Variants in SLC39A11 observed in about 807,000 individuals in gnomAD.
SLC39A11 encodes solute carrier family 39 member 11.
A neutral mutation model predicts 36.1 loss-of-function variants in SLC39A11; 33 were observed. That is an observed-to-expected ratio of 0.91 (90% CI 0.69 to 1.22). The LOEUF (loss-of-function observed/expected upper bound fraction) is 1.22. SLC39A11 is among the 50% of genes most tolerant of loss of function. The pLI, the probability that SLC39A11 is intolerant of heterozygous loss-of-function variation, is 0.00. For synonymous variants in SLC39A11, 166 were observed against 170.3 expected, an observed-to-expected ratio of 0.97 and a Z score of 0.20; for missense variants, 432 against 430.3, an observed-to-expected ratio of 1.00 and a Z score of -0.03.
intron 6 of SLC39A11, among the ~76,000 whole-genome samples, chr17:72,779,869 C>T (rs2076252610): frequency 6.6e-6 from 1 of 152,182 alleles, no homozygotes; most frequent in Non-Finnish European, 1.5e-5. Flanking sequence ...TTCTTGGTCT[C>T]TTCTGGCAAC....
At chr17:72,829,424 G>A (rs1045921819) in intron 6 of SLC39A11, among the ~76,000 whole-genome samples, 1 of 152,012 alleles carries the variant, frequency 6.6e-6, no homozygotes, top group African/African-American at 2.4e-5. Context: ...GGGGGAGATG[G>A]GAGCCGGTGA....
chr17:72,800,214 G>A (rs962898962), intron 6 of SLC39A11, among the ~76,000 whole-genome samples: 5 of 151,816 alleles, frequency 3.3e-5, no homozygotes, highest in African/African-American at 1.2e-4. Flanking sequence ...ATACTTCAAA[G>A]TGGAAGCCAT....
At chr17:72,793,163 T>C (rs2076772644) in intron 6 of SLC39A11, among the ~76,000 whole-genome samples, 1 of 151,896 alleles carries the variant, frequency 6.6e-6, no homozygotes, top group African/African-American at 2.4e-5. Flanking sequence ...TGGGGGATGG[T>C]GTGGGAAAAG....
At chr17:72,776,311 CCA>C (rs1390850808) in intron 6 of SLC39A11, among the ~76,000 whole-genome samples, 2 of 152,162 alleles carry the variant, frequency 1.3e-5, no homozygotes, top group African/African-American at 2.4e-5. Context: ...CTGAACAAAA[CCA>C]GAAGACAGCA....
chr17:72,965,208 C>G (rs539813291), intron 4 of SLC39A11, among the ~76,000 whole-genome samples: 1 of 151,908 alleles, frequency 6.6e-6, no homozygotes, highest in African/African-American at 2.4e-5. Context: ...TGTAACAAAC[C>G]TGCACCTTGT....
At chr17:72,931,687 T>A (rs6501584) in intron 5 of SLC39A11, among the ~76,000 whole-genome samples, 1 of 152,008 alleles carries the variant, frequency 6.6e-6, no homozygotes, top group East Asian at 1.9e-4. Flanking sequence ...GTTACTCAAC[T>A]CAAACTTTCA....
At chr17:72,685,434 C>A (rs1194958416) in intron 7 of SLC39A11, among the ~76,000 whole-genome samples, 1 of 152,272 alleles carries the variant, frequency 6.6e-6, no homozygotes, top group African/African-American at 2.4e-5. Context: ...CGAGGCCCAG[C>A]GATGGGCAGG....
chr17:72,972,712 C>T (rs2087546147), intron 4 of SLC39A11, among the ~76,000 whole-genome samples: 1 of 152,124 alleles, frequency 6.6e-6, no homozygotes, highest in Non-Finnish European at 1.5e-5. Flanking sequence ...AGGATCTCTT[C>T]CCAGACTGTA....
intron 7 of SLC39A11, among the ~76,000 whole-genome samples, chr17:72,702,541 A>G (rs2072698333): frequency 1.3e-5 from 2 of 152,170 alleles, no homozygotes; most frequent in African/African-American, 4.8e-5. Flanking sequence ...CAAATGAGTC[A>G]TCAAAGTACA....
At chr17:72,856,993 C>T (rs1188763963) in intron 5 of SLC39A11, among the ~76,000 whole-genome samples, 1 of 152,144 alleles carries the variant, frequency 6.6e-6, no homozygotes, top group Non-Finnish European at 1.5e-5. Context: ...AAAAAACTTT[C>T]ACTTTAGGTT....
rs569140121 is a variant in SLC39A11 at position 72,781,749 on chromosome 17, G to A, written c.602-45030C>T. On this transcript the variant is annotated intron_variant, in intron 6 of 9. Coordinates refer to ENST00000255559, the MANE Select transcript of SLC39A11 (RefSeq NM_139177.4). ...TTTGTTTCTAATACAAGCTCGTGTT[G>A]GGGTGAGGAAGGGCAGAGGAATGGC... Among the ~76,000 whole-genome samples, 162 of 152,148 alleles carry A rather than the reference G, an allele frequency of 1.1e-3. 1 individual carries two copies. The highest frequency in any genetic ancestry group is 1.3e-3 in the Non-Finnish European group (86 of 67,984).
At chr17:72,790,538 T>TA (rs200836775) in intron 6 of SLC39A11, among the ~76,000 whole-genome samples, 2 of 131,110 alleles carry the variant, frequency 1.5e-5, no homozygotes, top group East Asian at 4.0e-4. Flanking sequence ...TCTCTCTCTC[T>TA]TTTTTTTTTT....
intron 6 of SLC39A11, among the ~76,000 whole-genome samples, chr17:72,775,602 A>G (rs2076106368): frequency 6.6e-6 from 1 of 152,178 alleles, no homozygotes; most frequent in Non-Finnish European, 1.5e-5. Flanking sequence ...TAGCAATCAG[A>G]TTATTCAGGA....
chr17:72,784,806 C>T (rs1010285708), intron 6 of SLC39A11, among the ~76,000 whole-genome samples: 1 of 151,774 alleles, frequency 6.6e-6, no homozygotes, highest in Non-Finnish European at 1.5e-5. Flanking sequence ...CAGCACCATG[C>T]TTCCTGTAAA....
At chr17:72,831,340 A>G (rs895688864) in intron 6 of SLC39A11, among the ~76,000 whole-genome samples, 1 of 152,228 alleles carries the variant, frequency 6.6e-6, no homozygotes, top group African/African-American at 2.4e-5. Flanking sequence ...AGGAGCTGAC[A>G]AACAGTGCTC....
intron 6 of SLC39A11, among the ~76,000 whole-genome samples, chr17:72,756,989 G>GGA (rs554377677): frequency 1.5e-5 from 2 of 131,190 alleles, no homozygotes; most frequent in Non-Finnish European, 3.2e-5. Flanking sequence ...CTCTGCTAGG[G>GGA]AAAAAAAAAA....
At chr17:72,714,758 T>G (rs183250654) in intron 7 of SLC39A11, among the ~76,000 whole-genome samples, 1 of 152,306 alleles carries the variant, frequency 6.6e-6, no homozygotes, top group Non-Finnish European at 1.5e-5. Flanking sequence ...CCCAAACCTG[T>G]CAGGAAGGCG....
At chr17:72,833,133 A>G (rs2078359880) in intron 6 of SLC39A11, among the ~76,000 whole-genome samples, 1 of 152,258 alleles carries the variant, frequency 6.6e-6, no homozygotes, top group African/African-American at 2.4e-5. Context: ...CCTGGTCTCC[A>G]GTCTCCATTA....
At chr17:72,719,166 G>C (rs1455763092) in intron 7 of SLC39A11, among the ~76,000 whole-genome samples, 2 of 152,074 alleles carry the variant, frequency 1.3e-5, no homozygotes, top group Non-Finnish European at 2.9e-5. Flanking sequence ...AGAATCACTT[G>C]AACCTGGGAG....
Sources: gnomAD v4.1 joint callset for allele counts (sites outside exome capture counted in the v4.1 genomes callset) on GRCh38, gnomAD v4.1.1 for gene constraint, MANE v1.5 for transcripts, NCBI Gene and HGNC (gene_info 2026-07-23, HGNC 2026-07-21) for gene names.